Variants in PTAFR observed in about 807,000 individuals in gnomAD.
PTAFR encodes the protein platelet-activating factor receptor.
Under a neutral mutation model 14.7 loss-of-function variants are expected in PTAFR, and 8 were observed. That is an observed-to-expected ratio of 0.54 (90% CI 0.32 to 0.98). The LOEUF (loss-of-function observed/expected upper bound fraction) is 0.98, where lower values mean the gene tolerates loss of function less well. Among genes scored for constraint, PTAFR ranks in the 50% least tolerant of loss-of-function variants. PTAFR has a pLI of 0.04. For missense variants in PTAFR, 337 were observed against 451.2 expected (o/e 0.75, Z 2.29); for synonymous variants, 156 against 176.5 (o/e 0.88, Z 0.92).
At chr1:28,174,877 C>T (rs1315666016) in intron 1 of PTAFR, among the ~76,000 whole-genome samples, 1 of 152,194 alleles carries the variant, frequency 6.6e-6, no homozygotes, top group African/African-American at 2.4e-5. Context: ...CCCATCCCAA[C>T]TCTTACTTCA....
At chr1:28,187,113 T>C (rs1646613817) in intron 1 of PTAFR, among the ~76,000 whole-genome samples, 1 of 152,154 alleles carries the variant, frequency 6.6e-6, no homozygotes, top group African/African-American at 2.4e-5. Flanking sequence ...ATTATCATAG[T>C]GATTCCAAAA....
Position 28,174,957 on chromosome 1 carries a change from C to T in PTAFR, c.-39+1635G>A, listed in dbSNP as rs535527032. On this transcript the variant is annotated intron_variant, in intron 1 of 1. Transcript: ENST00000373857. ...TGTTTTGTTTTTTGAGACGGAGTCT[C>T]GCTCTGTTGCCCAGGCTGGAGTGCG... is the stretch of plus-strand genomic sequence containing the variant. 1.8e-3 allele frequency among the ~76,000 whole-genome samples: 278 copies of T among 152,314 alleles called. 1 individual carries two copies. Among genetic ancestry groups the T allele is most frequent in the African/African-American group, 6.1e-3 (252 of 41,560 alleles).
intron 1 of PTAFR, among the ~76,000 whole-genome samples, chr1:28,173,733 C>T (rs1646479511): frequency 1.3e-5 from 2 of 151,962 alleles, no homozygotes; most frequent in South Asian, 4.2e-4. Context: ...CAGCCAAGCT[C>T]AACTCCAAAC....
intron 1 of PTAFR, among the ~76,000 whole-genome samples, chr1:28,189,518 C>A (rs892157751): frequency 1.3e-5 from 2 of 151,720 alleles, no homozygotes; most frequent in East Asian, 2.0e-4. Context: ...GAGGCTGAGG[C>A]AGGAGAATCG....
chr1:28,171,140 T>C (rs905958226), intron 1 of PTAFR, among the ~76,000 whole-genome samples: 1 of 151,654 alleles, frequency 6.6e-6, no homozygotes, highest in African/African-American at 2.4e-5. Flanking sequence ...CTGGCCAACA[T>C]GACGAAACCC....
chr1:28,162,718 C>G (rs1646337495), intron 1 of PTAFR, among the ~76,000 whole-genome samples: 1 of 149,564 alleles, frequency 6.7e-6, no homozygotes, highest in Non-Finnish European at 1.5e-5. Context: ...CCCAGCTACT[C>G]TGGAGGCTGA....
chr1:28,173,308 G>T (rs1229535351), intron 1 of PTAFR, among the ~76,000 whole-genome samples: 2 of 76,044 alleles, frequency 2.6e-5, no homozygotes, highest in African/African-American at 5.1e-5. Context: ...AGGGGGGGGG[G>T]TGTGCGGGGG....
At chr1:28,168,905 C>G (rs1258084877) in intron 1 of PTAFR, among the ~76,000 whole-genome samples, 2 of 151,832 alleles carry the variant, frequency 1.3e-5, no homozygotes, top group African/African-American at 4.8e-5. Context: ...TGACCTCAAG[C>G]GATCCACCCT....
At chr1:28,159,058 G>C (rs1019914537) in intron 1 of PTAFR, among the ~76,000 whole-genome samples, 2 of 152,214 alleles carry the variant, frequency 1.3e-5, no homozygotes, top group African/African-American at 4.8e-5. Context: ...AGGAAACAAA[G>C]AGAACTGCCA....
At chr1:28,165,855 T>C (rs940782490) in intron 1 of PTAFR, among the ~76,000 whole-genome samples, 1 of 152,172 alleles carries the variant, frequency 6.6e-6, no homozygotes, top group Non-Finnish European at 1.5e-5. Context: ...GTTCATGGAT[T>C]GGAAGACTTA....
intron 1 of PTAFR, among the ~76,000 whole-genome samples, chr1:28,163,533 C>T (rs940295926): frequency 6.6e-6 from 1 of 152,226 alleles, no homozygotes; most frequent in African/African-American, 2.4e-5. Context: ...TCAGAAAGGT[C>T]TACAGGTTCA....
At chr1:28,189,871 G>A (rs1324576413) in intron 1 of PTAFR, among the ~76,000 whole-genome samples, 3 of 151,942 alleles carry the variant, frequency 2.0e-5, no homozygotes, top group Non-Finnish European at 4.4e-5. Flanking sequence ...TCACCATGTT[G>A]GTCAGGCTGT....
At chr1:28,162,167 C>T (rs867659104) in intron 1 of PTAFR, among the ~76,000 whole-genome samples, 13 of 152,256 alleles carry the variant, frequency 8.5e-5, no homozygotes, top group Middle Eastern at 6.8e-3. Context: ...TGATCGGACT[C>T]GCTCTAGCTG....
At chr1:28,158,292 G>A (rs1646288504) in intron 1 of PTAFR, among the ~76,000 whole-genome samples, 1 of 152,212 alleles carries the variant, frequency 6.6e-6, no homozygotes, top group African/African-American at 2.4e-5. Context: ...AGGCACAGGG[G>A]ACTGCGGGAC....
intron 1 of PTAFR, among the ~76,000 whole-genome samples, chr1:28,167,421 C>A (rs906455716): frequency 1.3e-5 from 2 of 152,094 alleles, no homozygotes; most frequent in Non-Finnish European, 2.9e-5. Flanking sequence ...TCACCTCAAA[C>A]CCACTGGAAT....
rs770376858 is a variant in PTAFR, at chr1:28,150,333, G to A, written c.689C>T (p.Ala230Val). 3.3e-5 allele frequency: 54 copies of A among 1,613,874 alleles called. No homozygotes were observed. The highest frequency in any genetic ancestry group is 1.5e-4 in the Admixed American group (9 of 59,990). The change falls in exon 2 of 2, where the codon GCG (alanine) becomes GTG (valine). Residue 230 changes from alanine to valine, a missense_variant. Physicochemically the swap from Ala to Val is moderately conservative, Grantham distance 64. Coordinates refer to ENST00000373857, the MANE Select transcript of PTAFR (RefSeq NM_000952.5). This position sits in a 1 kb window ranked among gnomAD's most constrained non-coding sequence, Gnocchi z 6.3. ...QQRNAEVKRR[A>V]LWMVCTVLAV... Reference sequence around the variant, plus strand: ...CAAGACCGTGCACACCATCCACAGCGCCCGGCGCTTGACTTCAGCGTTGCG... The same window carrying A: ...CAAGACCGTGCACACCATCCACAGCACCCGGCGCTTGACTTCAGCGTTGCG...
intron 1 of PTAFR, among the ~76,000 whole-genome samples, chr1:28,183,032 A>T (rs559805785): frequency 4.3e-4 from 65 of 151,064 alleles, no homozygotes; most frequent in African/African-American, 1.5e-3. Flanking sequence ...TGTTTTTTAA[A>T]GAAATTCAAT....
intron 1 of PTAFR, among the ~76,000 whole-genome samples, 192 bp downstream of exon 1, chr1:28,176,400 G>A (rs1646513847): frequency 7.2e-6 from 1 of 139,354 alleles, no homozygotes; most frequent in South Asian, 2.2e-4. Context: ...CCATGATCGC[G>A]CCACTGCACT....
intron 1 of PTAFR, among the ~76,000 whole-genome samples, chr1:28,159,502 T>A (rs1646300236): frequency 6.6e-6 from 1 of 151,462 alleles, no homozygotes; most frequent in South Asian, 2.1e-4. Context: ...GGTTGAGGGG[T>A]GAGTGATAGG....
Sources: allele counts gnomAD v4.1 joint callset (sites outside exome capture counted in the v4.1 genomes callset), GRCh38; gene constraint gnomAD v4.1.1; non-coding constraint Gnocchi (gnomAD v3.1); transcripts MANE v1.5; gene names NCBI Gene and HGNC (gene_info 2026-07-23, HGNC 2026-07-21).